SH2D6: variants seen among roughly 807,000 people sequenced by gnomAD.
SH2D6 encodes SH2 domain containing 6.
A neutral mutation model predicts 30.2 loss-of-function variants in SH2D6; 31 were observed. That is an observed-to-expected ratio of 1.03 (90% CI 0.77 to 1.38). The LOEUF (loss-of-function observed/expected upper bound fraction) is 1.38, where lower values mean the gene tolerates loss of function less well. Among genes scored for constraint, SH2D6 ranks in the 40% most tolerant of loss-of-function variants. The pLI is 0.00. For missense variants in SH2D6, 240 were observed against 266.8 expected (o/e 0.90, Z 0.70); for synonymous variants, 93 against 104.6 (o/e 0.89, Z 0.68).
Position 85,433,605 on chromosome 2 carries a change from T to C in SH2D6, c.428T>C (p.Leu143Pro), listed in dbSNP as rs997297680. 96 of 1,010,298 alleles carry C rather than the reference T, an allele frequency of 9.5e-5. No individual in the cohort carries two copies. Among genetic ancestry groups the C allele is most frequent in the Non-Finnish European group, 1.1e-4 (89 of 845,418 alleles). The allele number at this position is 1,010,298 out of a possible 1,614,324, so 62.6% of individuals were successfully genotyped here. The change falls in exon 16 of 24, where the codon CTC (leucine) becomes CCC (proline). Residue 143 changes from leucine to proline, a missense_variant. By Grantham distance (98) the Leu-to-Pro change is moderately conservative. Transcript: ENST00000469800. ...PGPPKKPDED[L>P]YLECEPDPVL... ...CCTCCAAAGAAACCTGATGAGGACC[T>C]CTACTTGGAATGTGAGCCGGATCCA... is the stretch of plus-strand genomic sequence containing the variant.
At chr2:85,421,270 T>TCCAGAGAA (rs1687739533) in intron 2 of SH2D6, 1 of 152,332 alleles carries the variant, frequency 6.6e-6, no homozygotes, top group African/African-American at 2.4e-5. Flanking sequence ...GCCAGAGGTA[T>TCCAGAGAA]CCAGAGAACC....
chr2:85,428,272 G>A (rs545857801), intron 6 of SH2D6, among the ~76,000 whole-genome samples: 3 of 152,248 alleles, frequency 2.0e-5, no homozygotes, highest in African/African-American at 7.2e-5. Flanking sequence ...TCCTGGTGAG[G>A]TACAGGTTGC....
chr2:85,423,288 A>G (rs893057570), intron 5 of SH2D6, among the ~76,000 whole-genome samples: 3 of 152,174 alleles, frequency 2.0e-5, no homozygotes, highest in South Asian at 2.1e-4. Flanking sequence ...CTGGAGTGCA[A>G]TGGCACAATT....
In SH2D6 at chr2:85,433,598, G is replaced by A; in HGVS notation, c.421G>A (p.Glu141Lys). Residue 141 changes from glutamate to lysine, a missense_variant, in exon 16 of 24, where the codon GAG becomes AAG. Transcript: ENST00000469800. ...GCCAGGCCCTCCAAAGAAACCTGAT[G>A]AGGACCTCTACTTGGAATGTGAGCC... is the stretch of plus-strand genomic sequence containing the variant. ...VVPGPPKKPD[E>K]DLYLECEPDP... is the part of the protein sequence containing the mutation. 1.0e-6 allele frequency: 1 copy of A among 1,003,828 alleles called. No homozygotes were observed. The highest frequency in any genetic ancestry group is 1.2e-6 in the Non-Finnish European group (1 of 841,420). 62.2% of individuals were successfully genotyped at this position (1,003,828 alleles called of 1,614,324 possible).
intron 19 of SH2D6, chr2:85,434,826 A>G: frequency 6.8e-7 from 1 of 1,464,638 alleles, no homozygotes; most frequent in Non-Finnish European, 9.0e-7. Flanking sequence ...CAAATCAGGA[A>G]GCTCCTAGTC....
chr2:85,423,209 TG>T (rs1415739179), intron 5 of SH2D6, among the ~76,000 whole-genome samples: 2 of 150,862 alleles, frequency 1.3e-5, no homozygotes, highest in Non-Finnish European at 3.0e-5. Flanking sequence ...TTGTTGTTGT[TG>T]TTGTTTTTGT....
intron 16 of SH2D6, among the ~76,000 whole-genome samples, 157 bp from the exon 17 acceptor site, chr2:85,433,876 C>T (rs767601507): frequency 7.2e-5 from 11 of 152,242 alleles, no homozygotes; most frequent in Non-Finnish European, 1.2e-4. Flanking sequence ...CCAGCTGCTG[C>T]GGCCAGGACA....
At chr2:85,423,363 G>A (rs1439358219) in intron 5 of SH2D6, among the ~76,000 whole-genome samples, 1 of 152,050 alleles carries the variant, frequency 6.6e-6, no homozygotes, top group African/African-American at 2.4e-5. Flanking sequence ...TCCCGTGTAA[G>A]TGGGATTATA....
intron 14 of SH2D6, among the ~76,000 whole-genome samples, chr2:85,432,399 G>GT (rs1558760815): frequency 7.1e-6 from 1 of 141,406 alleles, no homozygotes; most frequent in African/African-American, 2.6e-5. Context: ...TTTTTGTTTT[G>GT]TTTTGTTTTG....
At chr2:85,433,917 A>G (rs1558763404) in intron 16 of SH2D6, 116 bp from the exon 17 acceptor site, 4 of 952,660 alleles carry the variant, frequency 4.2e-6, no homozygotes, top group Admixed American at 2.5e-5. Context: ...GCACTCCCAG[A>G]AAGTCCAGGC....
intron 22 of SH2D6, 45 bp downstream of exon 22, chr2:85,435,869 A>G: frequency 1.3e-6 from 2 of 1,518,384 alleles, no homozygotes; most frequent in Non-Finnish European, 8.8e-7. Flanking sequence ...ACCACAGAGC[A>G]GTACCCCAGG....
intron 19 of SH2D6, 27 bp downstream of exon 19, chr2:85,434,524 T>G: frequency 6.5e-7 from 1 of 1,549,928 alleles, no homozygotes; most frequent in South Asian, 1.2e-5. Context: ...CCAAAGGTAG[T>G]GAGTTATCCC....
chr2:85,432,257 T>C (rs1460867155), intron 14 of SH2D6, among the ~76,000 whole-genome samples: 1 of 151,872 alleles, frequency 6.6e-6, no homozygotes, highest in Non-Finnish European at 1.5e-5. Flanking sequence ...GATTTTTTTT[T>C]TTTTTATTGA....
At position 85,435,802 on chromosome 2, in the gene SH2D6, G is replaced by T; in HGVS notation, c.869G>T (p.Arg290Leu). Residue 290 changes from arginine (R) to leucine (L), a missense_variant, in exon 22 of 24, where the codon CGG becomes CTG. Coordinates refer to ENST00000469800, the MANE Select transcript of SH2D6 (RefSeq NM_001394463.1). ...GGCGGACGCCACTATGCCCTGGGCC[G>T]GGAGGGCAGGAACCGTGAGGAGGTG... Reference protein sequence around the residue: ...LDGGRHYALGREGRNREELFS... With the variant: ...LDGGRHYALGLEGRNREELFS... The T allele has an allele frequency of 1.3e-6, 2 of 1,598,312 alleles. No individual in the cohort carries two copies. Among genetic ancestry groups the T allele is most frequent in the East Asian group, 2.3e-5 (1 of 44,272 alleles).
intron 6 of SH2D6, among the ~76,000 whole-genome samples, chr2:85,427,842 T>C (rs1224707061): frequency 6.6e-6 from 1 of 152,168 alleles, no homozygotes; most frequent in Non-Finnish European, 1.5e-5. Context: ...TCTTGGTTTC[T>C]TGGATGCCCT....
At chr2:85,428,036 T>C (rs1261583531) in intron 6 of SH2D6, among the ~76,000 whole-genome samples, 1 of 152,188 alleles carries the variant, frequency 6.6e-6, no homozygotes, top group Non-Finnish European at 1.5e-5. Flanking sequence ...GAAGTTCTCA[T>C]GTCATCATTC....
chr2:85,435,714 C>A lies in SH2D6; in HGVS notation c.781C>A (p.Pro261Thr). The A allele has an allele frequency of 6.2e-7, 1 of 1,613,344 alleles. No individual in the cohort carries two copies. The highest frequency in any genetic ancestry group is 1.3e-5 in the African/African-American group (1 of 75,056). The change falls in exon 22 of 24, where the codon CCC becomes ACC. Residue 261 changes from proline (P) to threonine (T), a missense_variant. Physicochemically the swap from Pro to Thr is conservative, Grantham distance 38. Coordinates refer to ENST00000469800, the MANE Select transcript of SH2D6 (RefSeq NM_001394463.1). ...CAGCTCAGGGCCTCATGGCTCCCAG[C>A]CCTTCACCCTGGCAGTGCTTCTCCG... ...RPSSGPHGSQ[P>T]FTLAVLLRGR...
At chr2:85,425,049 G>A (rs1341663964) in intron 5 of SH2D6, among the ~76,000 whole-genome samples, 4 of 152,076 alleles carry the variant, frequency 2.6e-5, no homozygotes, top group Admixed American at 6.6e-5. Flanking sequence ...CTGGGTGACA[G>A]AGCGAGACTC....
chr2:85,425,865 T>C (rs1239185617), intron 6 of SH2D6, among the ~76,000 whole-genome samples: 1 of 152,156 alleles, frequency 6.6e-6, no homozygotes, highest in Non-Finnish European at 1.5e-5. Context: ...GCATTTTTCT[T>C]GGTGCCTGAT....
Sources: allele counts gnomAD v4.1 joint callset (sites outside exome capture counted in the v4.1 genomes callset), GRCh38; gene constraint gnomAD v4.1.1; transcripts MANE v1.5; gene names NCBI Gene and HGNC (gene_info 2026-07-23, HGNC 2026-07-21).